Variants in PGPEP1 observed in about 807,000 individuals in gnomAD.
PGPEP1 encodes pyroglutamyl-peptidase 1.
PGPEP1 carries 15 observed loss-of-function variants against 24.1 expected under a neutral mutation model. That is an observed-to-expected ratio of 0.62 (90% confidence interval 0.42 to 0.96). The LOEUF (loss-of-function observed/expected upper bound fraction) is 0.96. Among genes scored for constraint, PGPEP1 ranks in the 40% least tolerant of loss-of-function variants. The pLI, the probability that PGPEP1 is intolerant of heterozygous loss-of-function variation, is 0.00. For missense variants in PGPEP1, 242 were observed against 273.4 expected (o/e 0.89, Z 0.81); for synonymous variants, 122 against 116.4 (o/e 1.05, Z -0.31).
At chr19:18,350,691 T>C (rs1970994846) in intron 2 of PGPEP1, among the ~76,000 whole-genome samples, 1 of 152,232 alleles carries the variant, frequency 6.6e-6, no homozygotes, top group South Asian at 2.1e-4. Context: ...GAGAAAAGGA[T>C]GCGCTGAGAT....
At chr19:18,343,062 C>A in intron 2 of PGPEP1, 151 bp downstream of exon 2, 2 of 643,426 alleles carry the variant, frequency 3.1e-6, no homozygotes, top group Non-Finnish European at 2.8e-6. Flanking sequence ...TGCAATGGCA[C>A]AATCTCAGCC....
chr19:18,346,988 C>A (rs1198204040), intron 2 of PGPEP1, among the ~76,000 whole-genome samples: 1 of 148,058 alleles, frequency 6.8e-6, no homozygotes, highest in Non-Finnish European at 1.5e-5. Context: ...CTCTTTCTGC[C>A]TCTCTCTCTC....
intron 1 of PGPEP1, 67 bp from the exon 2 acceptor site, chr19:18,342,792 G>A (rs1253983157): frequency 1.7e-5 from 21 of 1,252,686 alleles, no homozygotes; most frequent in South Asian, 2.4e-5. Flanking sequence ...TGGGAGTAGC[G>A]GCCAGGCCAG....
chr19:18,345,997 AAAG>A (rs1345997897), intron 2 of PGPEP1, among the ~76,000 whole-genome samples: 4 of 130,396 alleles, frequency 3.1e-5, no homozygotes, highest in Admixed American at 8.6e-5. Flanking sequence ...CAAAAAAAAA[AAAG>A]AAATTTTACA....
In PGPEP1 at chr19:18,363,099, C is replaced by G. The variant is rs186023025; in HGVS notation, c.438-292C>G. On this transcript the variant is annotated intron_variant, in intron 4 of 4. Transcript: ENST00000269919. ...AGAGACAGGATCTCACTCTCTCACC[C>G]AGGCTGAGTGCAGTGGTGCAATCAT... Among the ~76,000 whole-genome samples, 184 of 150,642 alleles carry G rather than the reference C, an allele frequency of 1.2e-3. 1 individual carries two copies. Among genetic ancestry groups the G allele is most frequent in the Non-Finnish European group, 2.1e-3 (140 of 67,740 alleles).
chr19:18,364,130 T>TTCTTTCTTTCTTTCTTTC lies in PGPEP1; in HGVS notation c.*547_*548insTCTTTCTTTCTTTCTTTC, dbSNP rs1600229307. 7.4e-6 allele frequency: 1 copy of TTCTTTCTTTCTTTCTTTC among 135,944 alleles called. No homozygotes were observed. Among genetic ancestry groups the TTCTTTCTTTCTTTCTTTC allele is most frequent in the East Asian group, 2.3e-4 (1 of 4,392 alleles). The allele number at this position is 135,944 out of a possible 1,614,324, so 8.4% of individuals were successfully genotyped here. A position where few individuals can be genotyped will look rare whatever the true frequency, so the allele number is the denominator to read the frequency against. ...TTTCTTTCTTGCTTTCTTTCTTTCT[T>TTCTTTCTTTCTTTCTTTC]GCTTTCTTTCTTCTCTCTCTCTCTT... On this transcript the variant is annotated 3_prime_UTR_variant, in exon 5 of 5. Transcript: ENST00000269919.
chr19:18,361,639 T>A (rs1447321257), intron 4 of PGPEP1: 2 of 683,362 alleles, frequency 2.9e-6, no homozygotes, highest in Non-Finnish European at 1.8e-6. Context: ...CTAGAACATA[T>A]CCTCATATGT....
intron 2 of PGPEP1, among the ~76,000 whole-genome samples, chr19:18,355,413 A>G (rs1285988548): frequency 6.6e-6 from 1 of 151,834 alleles, no homozygotes; most frequent in African/African-American, 2.4e-5. Flanking sequence ...GGTGTGTGCC[A>G]CTGCACCCAG....
In PGPEP1 at chr19:18,364,753, A is replaced by G. The variant is rs1354588560; in HGVS notation, c.*1170A>G. On this transcript the variant is annotated 3_prime_UTR_variant, in exon 5 of 5. Coordinates refer to ENST00000269919, the MANE Select transcript of PGPEP1 (RefSeq NM_017712.4). ...TGGCCATGGGGGTCGTGGTCCTTTC[A>G]ACACCAAGCTATGAGCTGTCGCCAT... The G allele has an allele frequency of 6.6e-6, 1 of 152,184 alleles. No individual in the cohort carries two copies. Among genetic ancestry groups the G allele is most frequent in the African/African-American group, 2.4e-5 (1 of 41,438 alleles). The allele number at this position is 152,184 out of a possible 1,614,324, so 9.4% of individuals were successfully genotyped here.
intron 4 of PGPEP1, among the ~76,000 whole-genome samples, chr19:18,359,924 A>G (rs1459114372): frequency 6.6e-6 from 1 of 152,044 alleles, no homozygotes; most frequent in East Asian, 1.9e-4. Context: ...CTTTTCCCTA[A>G]TCTGTGCGCT....
rs1057250755 is a variant in PGPEP1, at chr19:18,357,331, CT to C, written c.205-51del. Reference sequence around the variant, plus strand: ...CTTTTCCCTGGCCTCAGGGGGACCCCTCTGAGTCCCACGGGCAGGCCATGTT... The same window carrying C: ...CTTTTCCCTGGCCTCAGGGGGACCCCCTGAGTCCCACGGGCAGGCCATGTT... On this transcript the variant is annotated intron_variant, in intron 3 of 4. Coordinates refer to ENST00000269919, the MANE Select transcript of PGPEP1 (RefSeq NM_017712.4). The C allele has an allele frequency of 2.1e-6, 3 of 1,430,060 alleles. No homozygotes were observed. In the African/African-American group the frequency reaches 4.2e-5, roughly 20 times the overall value. The allele number at this position is 1,430,060 out of a possible 1,614,324, so 88.6% of individuals were successfully genotyped here.
At chr19:18,357,902 A>C in intron 4 of PGPEP1, 3 of 440,674 alleles carry the variant, frequency 6.8e-6, no homozygotes, top group Non-Finnish European at 1.3e-5. Context: ...TGCTGCCTCC[A>C]CCCCAACCCA....
chr19:18,353,975 C>T (rs1249438619), intron 2 of PGPEP1, among the ~76,000 whole-genome samples: 1 of 152,198 alleles, frequency 6.6e-6, no homozygotes. Flanking sequence ...TGGCTCACCC[C>T]TGTAATCCCA....
At chr19:18,347,248 A>AT (rs200469370) in intron 2 of PGPEP1, among the ~76,000 whole-genome samples, 3 of 102,850 alleles carry the variant, frequency 2.9e-5, no homozygotes, top group Admixed American at 1.0e-4. Context: ...CACCCAGCTA[A>AT]TTTTTTTTTC....
intron 1 of PGPEP1, 31 bp downstream of exon 1, chr19:18,340,746 G>C: frequency 7.0e-7 from 1 of 1,436,482 alleles, no homozygotes. Flanking sequence ...TGTAGCGGCA[G>C]CGGCCGGGGG....
At chr19:18,346,638 T>C (rs1297074197) in intron 2 of PGPEP1, among the ~76,000 whole-genome samples, 2 of 136,580 alleles carry the variant, frequency 1.5e-5, no homozygotes, top group African/African-American at 5.3e-5. Flanking sequence ...TCTCTCTTTT[T>C]TTTTTTTTTT....
chr19:18,354,514 TAAATA>T (rs1044230323), intron 2 of PGPEP1, among the ~76,000 whole-genome samples: 12 of 151,712 alleles, frequency 7.9e-5, no homozygotes, highest in Non-Finnish European at 1.5e-4. Context: ...TAAAATAAAA[TAAATA>T]AAAGACTCTG....
chr19:18,356,132 T>C (rs1010494372), intron 3 of PGPEP1, 121 bp downstream of exon 3: 22 of 680,806 alleles, frequency 3.2e-5, no homozygotes, highest in Non-Finnish European at 5.7e-5. Context: ...TACAGCCTTG[T>C]CCTCAAAAGG....
rs867045240 is a variant in PGPEP1 at position 18,345,520 on chromosome 19, C to T, written c.87+2609C>T. On this transcript the variant is annotated intron_variant, in intron 2 of 4. Transcript: ENST00000269919. ...CTTTGGGAGGCTGAGGCAAGGAGTT[C>T]GAGACTATCCTGGCCAACATAGCAA... Among the ~76,000 whole-genome samples the T allele has an allele frequency of 4.0e-5, 6 of 150,802 alleles. No individual in the cohort carries two copies. The South Asian group carries it at 1.0e-3, about 26-fold the overall frequency.
Sources: gnomAD v4.1 joint callset for allele counts (sites outside exome capture counted in the v4.1 genomes callset) on GRCh38, gnomAD v4.1.1 for gene constraint, MANE v1.5 for transcripts, NCBI Gene and HGNC (gene_info 2026-07-23, HGNC 2026-07-21) for gene names.